The following CHRM3 variants were observed in gnomAD, a reference collection of about 807,000 sequenced individuals.
CHRM3 encodes muscarinic acetylcholine receptor M3.
In CHRM3, 11 loss-of-function variants were observed where a neutral mutation model predicts 41.8. The observed-to-expected ratio is 0.26, with a 90% CI of 0.17 to 0.44. The LOEUF is 0.44. CHRM3 is among the 20% of genes least tolerant of loss of function. CHRM3 has a pLI of 1.00. For synonymous variants in CHRM3, 297 were observed against 301.4 expected (o/e 0.99, Z 0.15); for missense variants, 571 against 745.4 (o/e 0.77, Z 2.72).
intron 2 of CHRM3, among the ~76,000 whole-genome samples, chr1:239,529,628 A>AAC (rs1670240639): frequency 2.1e-5 from 1 of 46,772 alleles, no homozygotes; most frequent in African/African-American, 5.2e-5. Flanking sequence ...AAAAAAAAAA[A>AAC]AAACAAACAA....
intron 1 of CHRM3, among the ~76,000 whole-genome samples, chr1:239,395,786 T>C (rs1029025767): frequency 6.6e-6 from 1 of 152,190 alleles, no homozygotes; most frequent in Admixed American, 6.5e-5. Flanking sequence ...TCCCAGATGA[T>C]CTCATTGATC....
At chr1:239,691,524 A>G (rs1343333729) in intron 5 of CHRM3, among the ~76,000 whole-genome samples, 1 of 152,192 alleles carries the variant, frequency 6.6e-6, no homozygotes, top group African/African-American at 2.4e-5. Context: ...CAAAATGTCA[A>G]CTTGCGAGAG....
At chr1:239,640,918 C>A (rs1671063297) in intron 4 of CHRM3, among the ~76,000 whole-genome samples, 2 of 149,318 alleles carry the variant, frequency 1.3e-5, no homozygotes, top group Non-Finnish European at 3.0e-5. Context: ...TATAAATTTC[C>A]CTCTACACAC....
At chr1:239,504,189 A>G (rs1321102410) in intron 2 of CHRM3, among the ~76,000 whole-genome samples, 1 of 152,138 alleles carries the variant, frequency 6.6e-6, no homozygotes, top group Non-Finnish European at 1.5e-5. Flanking sequence ...CAGAATCTAC[A>G]ACAAACTCAA....
chr1:239,582,308 T>A (rs918604197), intron 3 of CHRM3, among the ~76,000 whole-genome samples: 1 of 152,218 alleles, frequency 6.6e-6, no homozygotes, highest in South Asian at 2.1e-4. Flanking sequence ...ATTTTTGACC[T>A]ATATTATCAT....
At chr1:239,779,995 T>C (rs981987746) in intron 5 of CHRM3, among the ~76,000 whole-genome samples, 8 of 152,224 alleles carry the variant, frequency 5.3e-5, no homozygotes, top group Non-Finnish European at 1.2e-4. Flanking sequence ...TGAATAATAT[T>C]CCATTGTACT....
chr1:239,657,764 A>G (rs113518580), intron 4 of CHRM3, among the ~76,000 whole-genome samples: 2 of 152,240 alleles, frequency 1.3e-5, no homozygotes, highest in Non-Finnish European at 2.9e-5. Flanking sequence ...GTTCACATTT[A>G]TAGGTGCCCT....
chr1:239,743,777 CTTTT>C (rs992688177), intron 5 of CHRM3, among the ~76,000 whole-genome samples: 8 of 122,514 alleles, frequency 6.5e-5, no homozygotes, highest in African/African-American at 2.4e-4. Context: ...TTTTCTTTTT[CTTTT>C]TTTTTTCTTT....
At chr1:239,415,614 A>G (rs1178864617) in intron 1 of CHRM3, among the ~76,000 whole-genome samples, 2 of 152,222 alleles carry the variant, frequency 1.3e-5, no homozygotes, top group Non-Finnish European at 2.9e-5. Context: ...TAACATAGCT[A>G]AAGGTGTATT....
intron 5 of CHRM3, among the ~76,000 whole-genome samples, chr1:239,778,793 C>T (rs147314526): frequency 2.0e-5 from 3 of 152,286 alleles, no homozygotes; most frequent in Non-Finnish European, 2.9e-5. Flanking sequence ...TTTGGAGCCA[C>T]GATTACAGGG....
intron 3 of CHRM3, among the ~76,000 whole-genome samples, chr1:239,576,743 T>C (rs1447737976): frequency 2.0e-5 from 3 of 151,670 alleles, no homozygotes; most frequent in African/African-American, 7.3e-5. Flanking sequence ...TGACCTACGA[T>C]TGTGCCACTG....
At chr1:239,779,934 A>T (rs1668388409) in intron 5 of CHRM3, among the ~76,000 whole-genome samples, 1 of 152,184 alleles carries the variant, frequency 6.6e-6, no homozygotes, top group African/African-American at 2.4e-5. Context: ...ACATGCATTT[A>T]AAGTGCCTTC....
chr1:239,848,404 C>T (rs1674445062), intron 6 of CHRM3, among the ~76,000 whole-genome samples: 1 of 152,086 alleles, frequency 6.6e-6, no homozygotes, highest in Non-Finnish European at 1.5e-5. Context: ...TCCAAACATC[C>T]AGTTAGGAAA....
At chr1:239,664,246 A>G (rs1673538219) in intron 4 of CHRM3, among the ~76,000 whole-genome samples, 1 of 152,314 alleles carries the variant, frequency 6.6e-6, no homozygotes, top group Non-Finnish European at 1.5e-5. Flanking sequence ...TGTTAAATCC[A>G]GCTCTATGAG....
Position 239,389,181 on chromosome 1 carries a change from G to T in CHRM3, c.-521+1954G>T, listed in dbSNP as rs139206476. On this transcript the variant is annotated intron_variant, in intron 1 of 6. Transcript: ENST00000676153. Reference sequence around the variant, plus strand: ...TAAATTTTCTGTGTGGAAAATTATTGTAAGGGAAAAATGTAATTTGGGAAA... The same window carrying T: ...TAAATTTTCTGTGTGGAAAATTATTTTAAGGGAAAAATGTAATTTGGGAAA... Among the ~76,000 whole-genome samples the T allele has an allele frequency of 1.3e-4, 20 of 152,300 alleles. 1 individual carries two copies. The East Asian group carries it at 3.9e-3, about 29-fold the overall frequency.
At chr1:239,798,193 G>A in intron 5 of CHRM3, among the ~76,000 whole-genome samples, 1 of 152,028 alleles carries the variant, frequency 6.6e-6, no homozygotes, top group Non-Finnish European at 1.5e-5. Flanking sequence ...ATTCTTTATT[G>A]TAAGAATATA....
chr1:239,615,152 T>A (rs986337063), intron 3 of CHRM3, among the ~76,000 whole-genome samples: 1 of 152,188 alleles, frequency 6.6e-6, no homozygotes, highest in Non-Finnish European at 1.5e-5. Flanking sequence ...TCTCGTCATA[T>A]AAAAATAGTA....
chr1:239,522,291 G>A (rs1669700736), intron 2 of CHRM3, among the ~76,000 whole-genome samples: 1 of 152,150 alleles, frequency 6.6e-6, no homozygotes, highest in Admixed American at 6.5e-5. Context: ...AGAGTGAGAG[G>A]GTCACATGGA....
In CHRM3 at chr1:239,456,713, G is replaced by A. The variant is rs1292532903; in HGVS notation, c.-520-35996G>A. Among the ~76,000 whole-genome samples the A allele has an allele frequency of 3.3e-5, 5 of 152,170 alleles. No individual in the cohort carries two copies. The East Asian group carries it at 9.6e-4, about 29-fold the overall frequency. On this transcript the variant is annotated intron_variant, in intron 1 of 6. Transcript: ENST00000676153. ...TGATCCCTGGATGAGGGTATCCAGG[G>A]TGCAACATTTGGAACTGGGGCTGTG...
Sources: allele counts gnomAD v4.1 joint callset (sites outside exome capture counted in the v4.1 genomes callset), GRCh38; gene constraint gnomAD v4.1.1; transcripts MANE v1.5; gene names NCBI Gene and HGNC (gene_info 2026-07-23, HGNC 2026-07-21).